Variants in MBNL2 observed in about 807,000 individuals in gnomAD.
MBNL2 encodes the protein muscleblind-like protein 2.
Under a neutral mutation model 41.9 loss-of-function variants are expected in MBNL2, and 17 were observed. The ratio of observed to expected loss-of-function variants is 0.41; its 90% CI spans 0.28 to 0.61. MBNL2 has a LOEUF of 0.61. Among genes scored for constraint, MBNL2 ranks in the 20% least tolerant of loss-of-function variants. MBNL2 has a pLI of 0.35. For synonymous variants in MBNL2, 195 were observed against 182.9 expected (o/e 1.07, Z -0.53); for missense variants, 336 against 505.6 (o/e 0.66, Z 3.22).
At chr13:97,381,137 C>T (rs565161640) in intron 8 of MBNL2, among the ~76,000 whole-genome samples, 1 of 151,086 alleles carries the variant, frequency 6.6e-6, no homozygotes, top group Admixed American at 6.6e-5. Context: ...CACACACACA[C>T]CACACACAGG....
chr13:97,203,873 A>AATGGACGGATGG, the MBNL2 span, among the ~76,000 whole-genome samples: 1 of 149,470 alleles, frequency 6.7e-6, no homozygotes, highest in East Asian at 2.0e-4. Flanking sequence ...ATGATAAGTG[A>AATGGACGGATGG]ATGGATGGAT....
chr13:97,389,515 C>A (rs960064751), intron 8 of MBNL2, among the ~76,000 whole-genome samples: 2 of 151,938 alleles, frequency 1.3e-5, no homozygotes, highest in Non-Finnish European at 2.9e-5. Context: ...CAAGCCAGGG[C>A]AACACAGGAA....
the MBNL2 span, among the ~76,000 whole-genome samples, chr13:97,145,145 C>T: frequency 5.9e-5 from 9 of 152,156 alleles, no homozygotes; most frequent in African/African-American, 1.9e-4. Flanking sequence ...GCTGCTTCAT[C>T]AGCCTGGGTC....
At chr13:97,380,203 C>A (rs922241076) in intron 8 of MBNL2, among the ~76,000 whole-genome samples, 1 of 152,150 alleles carries the variant, frequency 6.6e-6, no homozygotes, top group African/African-American at 2.4e-5. Context: ...ACGCTAAGAA[C>A]CCACCTTGAG....
chr13:97,263,162 A>G (rs759028397), intron 1 of MBNL2, among the ~76,000 whole-genome samples: 67 of 152,244 alleles, frequency 4.4e-4, no homozygotes, highest in Non-Finnish European at 8.8e-5. Context: ...CTTCTAATGA[A>G]TTGACCTCAG....
At chr13:97,386,736 G>A (rs1257285335) in intron 8 of MBNL2, among the ~76,000 whole-genome samples, 1 of 152,130 alleles carries the variant, frequency 6.6e-6, no homozygotes, top group African/African-American at 2.4e-5. Flanking sequence ...ATCAGGTACT[G>A]GATTCACATT....
rs191967828 is a variant in MBNL2, at chr13:97,318,958, G to A, written c.175-15318G>A. 1.1e-3 allele frequency among the ~76,000 whole-genome samples: 172 copies of A among 152,282 alleles called. 1 individual carries two copies. The highest frequency in any genetic ancestry group is 2.0e-3 in the Non-Finnish European group (138 of 68,016). On this transcript the variant is annotated intron_variant, in intron 2 of 8. Coordinates refer to ENST00000679496, the MANE Select transcript of MBNL2 (RefSeq NM_001382683.1). ...AGAAACATGCAGCAGCAGGAATTCT[G>A]AGAAAAATTAGCAGGTATCTACTGA...
intron 5 of MBNL2, 67 bp from the exon 6 acceptor site, chr13:97,356,729 T>C (rs2063018378): frequency 1.1e-6 from 1 of 930,520 alleles, no homozygotes; most frequent in Non-Finnish European, 1.6e-6. Context: ...GCTGTTTACC[T>C]GTATGTTAAT....
At chr13:97,369,241 C>G (rs1163433535) in intron 8 of MBNL2, among the ~76,000 whole-genome samples, 1 of 152,132 alleles carries the variant, frequency 6.6e-6, no homozygotes, top group Admixed American at 6.5e-5. Context: ...TAAGATTTCA[C>G]TCTTTAAACT....
the MBNL2 span, among the ~76,000 whole-genome samples, chr13:97,182,704 G>A: frequency 3.3e-5 from 5 of 152,190 alleles, no homozygotes; most frequent in Non-Finnish European, 7.3e-5. Flanking sequence ...AGATAGAAAC[G>A]AAGATATGGT....
At chr13:97,182,641 C>T in the MBNL2 span, among the ~76,000 whole-genome samples, 5 of 152,110 alleles carry the variant, frequency 3.3e-5, no homozygotes, top group Non-Finnish European at 7.3e-5. Flanking sequence ...AGGAGGTTAA[C>T]GCACTTTTGA....
At chr13:97,329,313 A>C (rs2060171415) in intron 2 of MBNL2, among the ~76,000 whole-genome samples, 1 of 152,200 alleles carries the variant, frequency 6.6e-6, no homozygotes, top group Admixed American at 6.5e-5. Context: ...GTCTCCAAAC[A>C]ATATAAACTA....
chr13:97,182,407 T>C, the MBNL2 span, among the ~76,000 whole-genome samples: 1 of 152,248 alleles, frequency 6.6e-6, no homozygotes, highest in African/African-American at 2.4e-5. Flanking sequence ...TGCTATGCAA[T>C]ACATATATTA....
At chr13:97,201,678 G>T in the MBNL2 span, among the ~76,000 whole-genome samples, 1 of 152,090 alleles carries the variant, frequency 6.6e-6, no homozygotes, top group Admixed American at 6.5e-5. Context: ...GGTTCTATAA[G>T]TTGAAAATTC....
At chr13:97,200,817 C>A in the MBNL2 span, among the ~76,000 whole-genome samples, 3 of 152,290 alleles carry the variant, frequency 2.0e-5, no homozygotes, top group Non-Finnish European at 2.9e-5. Flanking sequence ...CCCTCCATTC[C>A]TGGAGAAAAA....
At chr13:97,198,667 G>A in the MBNL2 span, among the ~76,000 whole-genome samples, 104 of 151,708 alleles carry the variant, frequency 6.9e-4, 1 homozygote, top group East Asian at 2.7e-3. Flanking sequence ...CTTCTCATTC[G>A]CAGTAAATGG....
chr13:97,319,628 C>A (rs1349565471), intron 2 of MBNL2, among the ~76,000 whole-genome samples: 1 of 152,164 alleles, frequency 6.6e-6, no homozygotes, highest in Non-Finnish European at 1.5e-5. Context: ...CACCCATTTT[C>A]TTTGACTTCC....
the MBNL2 span, among the ~76,000 whole-genome samples, chr13:97,190,195 C>T: frequency 1.3e-5 from 2 of 152,202 alleles, no homozygotes; most frequent in African/African-American, 4.8e-5. Flanking sequence ...GCAACCCATG[C>T]CCTCGAGGAT....
chr13:97,380,257 G>C (rs1232973138), intron 8 of MBNL2, among the ~76,000 whole-genome samples: 1 of 152,110 alleles, frequency 6.6e-6, no homozygotes, highest in Non-Finnish European at 1.5e-5. Flanking sequence ...ACTTTGGGAG[G>C]CTGAGGTGGG....
Sources: gnomAD v4.1 joint callset for allele counts (sites outside exome capture counted in the v4.1 genomes callset) on GRCh38, gnomAD v4.1.1 for gene constraint, MANE v1.5 for transcripts, NCBI Gene and HGNC (gene_info 2026-07-23, HGNC 2026-07-21) for gene names.